The following IARS1 variants were observed in gnomAD, a reference collection of about 807,000 sequenced individuals.
IARS1 encodes isoleucyl-tRNA synthetase 1, also known as isoleucine--tRNA ligase, cytoplasmic.
A neutral mutation model predicts 168.2 loss-of-function variants in IARS1; 124 were observed. The observed-to-expected ratio is 0.74, with a 90% CI of 0.64 to 0.86. IARS1 has a LOEUF of 0.86. Ranked by LOEUF, IARS1 falls within the 40% of genes least tolerant of loss-of-function variation. IARS1 has a pLI of 0.00. For synonymous variants in IARS1, 532 were observed against 529.4 expected, an observed-to-expected ratio of 1.00 and a Z score of -0.07; for missense variants, 1,452 against 1,515.8, an observed-to-expected ratio of 0.96 and a Z score of 0.70.
rs752901332 is a variant in IARS1 at position 92,223,332 on chromosome 9, G to T, written c.3553+14C>A. On this transcript the variant is annotated intron_variant, in intron 32 of 33. Coordinates refer to ENST00000443024, the MANE Select transcript of IARS1 (RefSeq NM_002161.6). The stretch of plus-strand genomic sequence containing the variant: ...CAGCACCCCACAGTCTGCCTGCTGT[G>T]GGGAGGCACATACCTTGTGGCTTTG... 1.3e-6 allele frequency: 2 copies of T among 1,596,872 alleles called. No homozygotes were observed. Among genetic ancestry groups the T allele is most frequent in the Admixed American group, 1.7e-5 (1 of 58,704 alleles).
rs185933010 is a variant in IARS1 at position 92,241,293 on chromosome 9, T to C, written c.3178-332A>G. 1.4e-4 allele frequency among the ~76,000 whole-genome samples: 21 copies of C among 152,106 alleles called. 1 individual carries two copies. Among genetic ancestry groups the C allele is most frequent in the African/African-American group, 4.8e-4 (20 of 41,422 alleles). ...TCCTTGTCTTGTCCTACTTGTCTCA[T>C]AGAATGAGACCGGAGCAAATGATTA... On this transcript the variant is annotated intron_variant, in intron 29 of 33. Coordinates refer to ENST00000443024, the MANE Select transcript of IARS1 (RefSeq NM_002161.6).
At chr9:92,237,245 C>T (rs1346102896) in intron 30 of IARS1, among the ~76,000 whole-genome samples, 1 of 152,150 alleles carries the variant, frequency 6.6e-6, no homozygotes, top group Non-Finnish European at 1.5e-5. Context: ...TCGTATTTTC[C>T]TTTACACTCA....
chr9:92,256,449 A>G (rs1178379670), intron 20 of IARS1: 2 of 267,372 alleles, frequency 7.5e-6, no homozygotes, highest in African/African-American at 4.4e-5. Context: ...TTGGTCTCCC[A>G]AAATGCTGGG....
In IARS1 at chr9:92,277,677, A is replaced by T. The variant is rs867324032; in HGVS notation, c.894+186T>A. On this transcript the variant is annotated intron_variant, in intron 9 of 33. Coordinates refer to ENST00000443024, the MANE Select transcript of IARS1 (RefSeq NM_002161.6). ...GGGACAGAGGAAACCCTGTTTTTAA[A>T]AAAAAAAAAAAAAATCCTCTAAGAC... 5.1e-3 allele frequency among the ~76,000 whole-genome samples: 713 copies of T among 141,152 alleles called. 4 individuals carry two copies. The highest frequency in any genetic ancestry group is 0.015 in the African/African-American group (603 of 39,914). 92.6% of individuals were successfully genotyped at this position (141,152 alleles called of 152,430 possible).
At chr9:92,257,753 C>G (rs1830929120) in intron 19 of IARS1, among the ~76,000 whole-genome samples, 1 of 152,210 alleles carries the variant, frequency 6.6e-6, no homozygotes. Context: ...GCTTTTTCAT[C>G]TGCTCAAGCA....
chr9:92,290,840 A>G (rs1836203742), intron 1 of IARS1, among the ~76,000 whole-genome samples: 1 of 152,198 alleles, frequency 6.6e-6, no homozygotes, highest in Admixed American at 6.5e-5. Flanking sequence ...TCTTACCTAC[A>G]CTCACATGAC....
intron 30 of IARS1, 88 bp downstream of exon 30, chr9:92,240,768 A>C (rs1828267062): frequency 1.3e-6 from 1 of 771,846 alleles, no homozygotes; most frequent in African/African-American, 1.7e-5. Flanking sequence ...AATTCTCTTA[A>C]AAACATCCAT....
chr9:92,215,152 G>A (rs1838440714), intron 33 of IARS1, among the ~76,000 whole-genome samples: 3 of 152,206 alleles, frequency 2.0e-5, no homozygotes, highest in Non-Finnish European at 4.4e-5. Flanking sequence ...GCACCCCCCA[G>A]CAGGGGCACA....
At chr9:92,258,725 A>T in intron 19 of IARS1, 129 bp downstream of exon 19, 1 of 949,134 alleles carries the variant, frequency 1.1e-6, no homozygotes, top group East Asian at 2.8e-5. Flanking sequence ...CATGGCTCTA[A>T]GTTACCCCAG....
intron 33 of IARS1, among the ~76,000 whole-genome samples, chr9:92,219,239 G>T (rs980057290): frequency 8.5e-5 from 13 of 152,112 alleles, no homozygotes; most frequent in Non-Finnish European, 1.8e-4. Flanking sequence ...GCTGAAACTG[G>T]ATCCCTTCCT....
intron 19 of IARS1, among the ~76,000 whole-genome samples, chr9:92,257,449 G>T (rs1255887008): frequency 6.6e-6 from 1 of 152,188 alleles, no homozygotes; most frequent in Non-Finnish European, 1.5e-5. Flanking sequence ...CTTTGACCCC[G>T]CCTGTATTCC....
intron 30 of IARS1, among the ~76,000 whole-genome samples, chr9:92,230,045 T>A (rs1414008867): frequency 3.3e-5 from 5 of 152,184 alleles, no homozygotes; most frequent in Non-Finnish European, 5.9e-5. Flanking sequence ...TTAAAACATG[T>A]TATGTGAATG....
chr9:92,210,967 C>T (rs1233222802), intron 33 of IARS1, 78 bp from the exon 34 acceptor site: 19 of 911,164 alleles, frequency 2.1e-5, no homozygotes, highest in Non-Finnish European at 2.7e-5. Flanking sequence ...ATGTTAACTG[C>T]TTGTGTAGTA....
chr9:92,229,537 C>CAA (rs1482109367), intron 30 of IARS1, among the ~76,000 whole-genome samples: 1 of 152,020 alleles, frequency 6.6e-6, no homozygotes, highest in Non-Finnish European at 1.5e-5. Flanking sequence ...CATTTTGTGC[C>CAA]ATATGTATAT....
intron 21 of IARS1, among the ~76,000 whole-genome samples, chr9:92,252,791 A>AAAAAAAAAAAAAAC (rs1830199997): frequency 6.7e-6 from 1 of 148,168 alleles, no homozygotes; most frequent in African/African-American, 2.5e-5. Context: ...AAAAAAAAAA[A>AAAAAAAAAAAAAAC]AAAAAAGACA....
At chr9:92,288,001 A>G in intron 3 of IARS1, 91 bp from the exon 4 acceptor site, 1 of 1,548,500 alleles carries the variant, frequency 6.5e-7, no homozygotes, top group Non-Finnish European at 8.8e-7. Context: ...TCAAACTACA[A>G]ATATTATAGA....
chr9:92,218,226 C>A (rs1293350201), intron 33 of IARS1, among the ~76,000 whole-genome samples: 2 of 140,170 alleles, frequency 1.4e-5, no homozygotes, highest in African/African-American at 2.9e-5. Context: ...ATTCAACAAC[C>A]CTTCATGCTA....
chr9:92,282,636 G>A (rs944994823), intron 6 of IARS1, among the ~76,000 whole-genome samples: 1 of 152,038 alleles, frequency 6.6e-6, no homozygotes, highest in Non-Finnish European at 1.5e-5. Flanking sequence ...TGGGCATGGT[G>A]ATGCACATCT....
In IARS1 at chr9:92,268,203, G is replaced by A; in HGVS notation, c.1402C>T (p.Pro468Ser). 1 of 1,609,376 alleles carries A rather than the reference G, an allele frequency of 6.2e-7. No individual in the cohort carries two copies. Among genetic ancestry groups the A allele is most frequent in the South Asian group, 1.1e-5 (1 of 89,958 alleles). The part of the protein sequence containing the change: ...SRNRYWGTPI[P>S]LWVSDDFEEV... Reference sequence around the variant, plus strand: ...TCAAAGTCATCGCTGACCCACAGTGGGATGGGGGTGCCCCAGTATCTGTTT... The same window carrying A: ...TCAAAGTCATCGCTGACCCACAGTGAGATGGGGGTGCCCCAGTATCTGTTT... Residue 468 changes from proline to serine, a missense_variant, in exon 14 of 34, where the codon CCA (proline) becomes TCA (serine). By Grantham distance (74) the Pro-to-Ser change is moderately conservative. Transcript: ENST00000443024.
Sources: allele counts gnomAD v4.1 joint callset (sites outside exome capture counted in the v4.1 genomes callset), GRCh38; gene constraint gnomAD v4.1.1; transcripts MANE v1.5; gene names NCBI Gene and HGNC (gene_info 2026-07-23, HGNC 2026-07-21).